The following LIF variants were observed in gnomAD, a reference collection of about 807,000 sequenced individuals.
The protein encoded by LIF is leukemia inhibitory factor.
Under a neutral mutation model 15.0 loss-of-function variants are expected in LIF, and 9 were observed. The observed-to-expected ratio is 0.60, with a 90% confidence interval of 0.36 to 1.04. LIF has a LOEUF of 1.04. LIF is among the 50% of genes least tolerant of loss of function. The pLI is 0.01. For missense variants in LIF, 240 were observed against 266.7 expected, an observed-to-expected ratio of 0.90 and a Z score of 0.70; for synonymous variants, 122 against 119.7, an observed-to-expected ratio of 1.02 and a Z score of -0.13.
chr22:30,246,602 C>G, intron 1 of LIF, 75 bp downstream of exon 1: 1 of 1,521,018 alleles, frequency 6.6e-7, no homozygotes, highest in Non-Finnish European at 8.8e-7. Context: ...GTCCGGCTCG[C>G]GCTGCCAAGC....
At chr22:30,244,954 G>A (rs777102154) in intron 1 of LIF, 21 bp from the exon 2 acceptor site, 5 of 1,613,300 alleles carry the variant, frequency 3.1e-6, no homozygotes, top group Non-Finnish European at 4.2e-6. Context: ...TCAGGAAGAA[G>A]CCATGAGTAG....
rs576742434 is a variant in LIF, at chr22:30,242,331, G to C, written c.*1320C>G. ...AAAGCAAGTCACAGTAGGGGATGGG[G>C]GGGGGTGGAGCAAGGCCCCCCACTC... On this transcript the variant is annotated 3_prime_UTR_variant, in exon 3 of 3. Transcript: ENST00000249075. 1.2e-5 allele frequency: 1 copy of C among 82,226 alleles called. No homozygotes were observed. The highest frequency in any genetic ancestry group is 1.7e-4 in the Admixed American group (1 of 5,912). 5.1% of individuals were successfully genotyped at this position (82,226 alleles called of 1,614,324 possible).
At chr22:30,246,238 T>C (rs984645252) in intron 1 of LIF, 64 of 170,112 alleles carry the variant, frequency 3.8e-4, no homozygotes, top group Admixed American at 9.7e-4. Flanking sequence ...AGGCCGGAGT[T>C]TGCAAGCTGC....
Position 30,243,564 on chromosome 22 carries a change from TG to T in LIF, c.*86del. ...CCCCCATTTGGGTTTAGCGATGCCCTGGGCCCCAGCCACCCTTGGACAGGCC... is the reference window on the plus strand; with the variant it reads ...CCCCCATTTGGGTTTAGCGATGCCCTGGCCCCAGCCACCCTTGGACAGGCC... On this transcript the variant is annotated 3_prime_UTR_variant, in exon 3 of 3. Coordinates refer to ENST00000249075, the MANE Select transcript of LIF (RefSeq NM_002309.5). This position sits in a 1 kb window ranked among gnomAD's most constrained non-coding sequence, Gnocchi z 6.0. 6.3e-7 allele frequency: 1 copy of T among 1,576,966 alleles called. No homozygotes were observed. Among genetic ancestry groups the T allele is most frequent in the Non-Finnish European group, 8.7e-7 (1 of 1,152,842 alleles).
At position 30,241,306 on chromosome 22, in the gene LIF, G is replaced by A. The variant is rs1041430152; in HGVS notation, c.*2345C>T. ...GATGGGCGAGTCAGCCGGGCCCCCC[G>A]GGTGGAATCAGCAACTCTGGTTTCC... On this transcript the variant is annotated 3_prime_UTR_variant, in exon 3 of 3. Coordinates refer to ENST00000249075, the MANE Select transcript of LIF (RefSeq NM_002309.5). The surrounding 1 kb of genome is among the most constrained non-coding windows in gnomAD (Gnocchi z 4.4). 1.1e-4 allele frequency: 16 copies of A among 152,374 alleles called. No individual in the cohort carries two copies. The highest frequency in any genetic ancestry group is 1.8e-4 in the Non-Finnish European group (12 of 68,090). 9.4% of individuals were successfully genotyped at this position (152,374 alleles called of 1,614,324 possible).
Position 30,243,931 on chromosome 22 carries a change from A to G in LIF, c.329T>C (p.Val110Ala). 6.2e-7 allele frequency: 1 copy of G among 1,614,194 alleles called. No homozygotes were observed. Among genetic ancestry groups the G allele is most frequent in the Non-Finnish European group, 8.5e-7 (1 of 1,180,028 alleles). ...AKLVELYRIV[V>A]YLGTSLGNIT... ...GTTGCCCAGGGAGGTGCCAAGGTACACGACTATGCGGTACAGCTCCACCAG... is the reference window on the plus strand; with the variant it reads ...GTTGCCCAGGGAGGTGCCAAGGTACGCGACTATGCGGTACAGCTCCACCAG... Residue 110 changes from valine (V) to alanine (A), a missense_variant, in exon 3 of 3, where the codon GTG becomes GCG. Physicochemically the swap from Val to Ala is moderately conservative, Grantham distance 64. Coordinates refer to ENST00000249075, the MANE Select transcript of LIF (RefSeq NM_002309.5). The surrounding 1 kb of genome is among the most constrained non-coding windows in gnomAD (Gnocchi z 6.0).
rs1265647116 is a variant in LIF at position 30,241,276 on chromosome 22, G to A, written c.*2375C>T. The A allele has an allele frequency of 3.3e-5, 5 of 152,344 alleles. No homozygotes were observed. Among genetic ancestry groups the A allele is most frequent in the Non-Finnish European group, 5.9e-5 (4 of 68,062 alleles). The allele number at this position is 152,344 out of a possible 1,614,324, so 9.4% of individuals were successfully genotyped here. Reference sequence around the variant, plus strand: ...AGAGCTCCCAAGTCCACAGGGAGATGAGGTGATGGGCGAGTCAGCCGGGCC... The same window carrying A: ...AGAGCTCCCAAGTCCACAGGGAGATAAGGTGATGGGCGAGTCAGCCGGGCC... On this transcript the variant is annotated 3_prime_UTR_variant, in exon 3 of 3. Transcript: ENST00000249075. The surrounding 1 kb of genome is among the most constrained non-coding windows in gnomAD (Gnocchi z 4.4).
chr22:30,244,039 A>T lies in LIF; in HGVS notation c.221T>A (p.Phe74Tyr). 6.2e-7 allele frequency: 1 copy of T among 1,610,098 alleles called. No individual in the cohort carries two copies. The highest frequency in any genetic ancestry group is 8.5e-7 in the Non-Finnish European group (1 of 1,179,330). ...ACATAGCTTGTCCAGGTTGTTGGGG[A>T]ACGGCTCCCCCTGGGCTGTGTACTG... ...ILYYTAQGEP[F>Y]PNNLDKLCGP... Residue 74 changes from phenylalanine (F) to tyrosine (Y), a missense_variant, in exon 3 of 3, where the codon TTC becomes TAC. Transcript: ENST00000249075.
intron 2 of LIF, 92 bp from the exon 3 acceptor site, chr22:30,244,153 C>A: frequency 7.9e-7 from 1 of 1,269,196 alleles, no homozygotes; most frequent in South Asian, 1.4e-5. Context: ...GTCTGTTTCC[C>A]CATCTAGCGC....
Position 30,246,657 on chromosome 22 carries a change from C to T in LIF, c.19+20G>A. The T allele has an allele frequency of 6.4e-7, 1 of 1,552,244 alleles. No individual in the cohort carries two copies. The highest frequency in any genetic ancestry group is 8.7e-7 in the Non-Finnish European group (1 of 1,146,810). ...CCCCGCAGCGGGGACGCGAAGCCGGCGCGGGGCGGGTGTATTTACCTGCCG... is the reference window on the plus strand; with the variant it reads ...CCCCGCAGCGGGGACGCGAAGCCGGTGCGGGGCGGGTGTATTTACCTGCCG... On this transcript the variant is annotated intron_variant, in intron 1 of 2. Coordinates refer to ENST00000249075, the MANE Select transcript of LIF (RefSeq NM_002309.5).
intron 1 of LIF, among the ~76,000 whole-genome samples, chr22:30,245,237 C>A (rs983012212): frequency 4.6e-5 from 7 of 152,232 alleles, no homozygotes; most frequent in Admixed American, 1.3e-4. Flanking sequence ...CCATCCCACC[C>A]TTTCCCTCAG....
chr22:30,246,524 G>A, intron 1 of LIF, 153 bp downstream of exon 1: 1 of 1,302,360 alleles, frequency 7.7e-7, no homozygotes, highest in Non-Finnish European at 9.8e-7. Flanking sequence ...CTCGCTCCGG[G>A]CCGCCACCCA....
rs546628599 is a variant in LIF at position 30,243,608 on chromosome 22, C to A, written c.*43G>T. The stretch of plus-strand genomic sequence containing the variant: ...GACAGGCCCCCACATCTGGACCCAA[C>A]TCCTGAGATCCCTCGGTTCACAGCA... On this transcript the variant is annotated 3_prime_UTR_variant, in exon 3 of 3. Coordinates refer to ENST00000249075, the MANE Select transcript of LIF (RefSeq NM_002309.5). This position sits in a 1 kb window ranked among gnomAD's most constrained non-coding sequence, Gnocchi z 6.0. The A allele has an allele frequency of 1.2e-6, 2 of 1,613,512 alleles. No homozygotes were observed. Among genetic ancestry groups the A allele is most frequent in the African/African-American group, 2.7e-5 (2 of 75,064 alleles).
chr22:30,243,804 C>T lies in LIF; in HGVS notation c.456G>A (p.Leu152=), dbSNP rs1000803950. 2.0e-5 allele frequency: 33 copies of T among 1,614,144 alleles called. No individual in the cohort carries two copies. Among genetic ancestry groups the T allele is most frequent in the Non-Finnish European group, 2.7e-5 (32 of 1,180,058 alleles). The change falls in exon 3 of 3, where the codon CTG becomes CTA. Residue 152 remains leucine (L), a synonymous_variant. Transcript: ENST00000249075. This position sits in a 1 kb window ranked among gnomAD's most constrained non-coding sequence, Gnocchi z 6.0. ...CGTGGTACTTGCTGCACAGGCGGCA[C>T]AGCACGTTGCTAAGGAGGCCTCGCA... ...DILRGLLSNV[L]CRLCSKYHVG...
At chr22:30,245,151 T>C (rs190996972) in intron 1 of LIF, among the ~76,000 whole-genome samples, 1 of 152,284 alleles carries the variant, frequency 6.6e-6, no homozygotes, top group East Asian at 1.9e-4. Flanking sequence ...TGCTCTCTTC[T>C]GGGATGACGT....
intron 2 of LIF, 141 bp downstream of exon 2, chr22:30,244,614 G>T: frequency 1.2e-6 from 1 of 809,032 alleles, no homozygotes; most frequent in Non-Finnish European, 2.1e-6. Context: ...GCGGGAGTCT[G>T]GGGGTGGTTT....
chr22:30,245,018 A>C, intron 1 of LIF, 85 bp from the exon 2 acceptor site: 1 of 1,317,508 alleles, frequency 7.6e-7, no homozygotes, highest in Non-Finnish European at 1.1e-6. Context: ...GGGTCCAACA[A>C]TGGCCGCATG....
rs2123829954 is a variant in LIF, at chr22:30,241,570, C to T, written c.*2081G>A. 1 of 153,060 alleles carries T rather than the reference C, an allele frequency of 6.5e-6. No homozygotes were observed. Among genetic ancestry groups the T allele is most frequent in the East Asian group, 1.9e-4 (1 of 5,272 alleles). 9.5% of individuals were successfully genotyped at this position (153,060 alleles called of 1,614,324 possible). A position where few individuals can be genotyped will look rare whatever the true frequency, so the allele number is the denominator to read the frequency against. On this transcript the variant is annotated 3_prime_UTR_variant, in exon 3 of 3. Coordinates refer to ENST00000249075, the MANE Select transcript of LIF (RefSeq NM_002309.5). The surrounding 1 kb of genome is among the most constrained non-coding windows in gnomAD (Gnocchi z 4.4). ...TGCCTGCACACTGCCCACGCGCCATCCAGGTAAAGTGCTTAGAGAGCGACA... is the reference window on the plus strand; with the variant it reads ...TGCCTGCACACTGCCCACGCGCCATTCAGGTAAAGTGCTTAGAGAGCGACA...
In LIF at chr22:30,241,490, G is replaced by A. The variant is rs1928666916; in HGVS notation, c.*2161C>T. ...ACATCCTCGTCTTGCTGTTGGGATG[G>A]ACAGATGGACAACTCCGGGCCGCAC... On this transcript the variant is annotated 3_prime_UTR_variant, in exon 3 of 3. Transcript: ENST00000249075. This position sits in a 1 kb window ranked among gnomAD's most constrained non-coding sequence, Gnocchi z 4.4. 6.5e-6 allele frequency: 1 copy of A among 152,838 alleles called. No individual in the cohort carries two copies. Among genetic ancestry groups the A allele is most frequent in the Non-Finnish European group, 1.5e-5 (1 of 68,134 alleles). 9.5% of individuals were successfully genotyped at this position (152,838 alleles called of 1,614,324 possible). A position where few individuals can be genotyped will look rare whatever the true frequency, so the allele number is the denominator to read the frequency against.
Sources: allele counts gnomAD v4.1 joint callset (sites outside exome capture counted in the v4.1 genomes callset), GRCh38; gene constraint gnomAD v4.1.1; non-coding constraint Gnocchi (gnomAD v3.1); transcripts MANE v1.5; gene names NCBI Gene and HGNC (gene_info 2026-07-23, HGNC 2026-07-21).